Variants in BCL2L15 observed in about 807,000 individuals in gnomAD.
BCL2L15 encodes the protein BCL2 like 15, also known as bcl-2-like protein 15.
A neutral mutation model predicts 18.3 loss-of-function variants in BCL2L15; 15 were observed. That is an observed-to-expected ratio of 0.82 (90% CI 0.55 to 1.26). The LOEUF (loss-of-function observed/expected upper bound fraction) is 1.26, where lower values mean the gene tolerates loss of function less well. Among genes scored for constraint, BCL2L15 ranks in the 50% most tolerant of loss-of-function variants. BCL2L15 has a pLI of 0.00. For missense variants in BCL2L15, 180 were observed against 201.7 expected, an observed-to-expected ratio of 0.89 and a Z score of 0.65; for synonymous variants, 58 against 68.5, an observed-to-expected ratio of 0.85 and a Z score of 0.76.
chr1:113,882,768 G>A (rs929068820), intron 2 of BCL2L15, among the ~76,000 whole-genome samples: 1 of 150,832 alleles, frequency 6.6e-6, no homozygotes, highest in Non-Finnish European at 1.5e-5. Context: ...TTGAGACCCT[G>A]TCTCTATGAA....
At chr1:113,885,373 C>T (rs1481180218) in intron 2 of BCL2L15, among the ~76,000 whole-genome samples, 1 of 152,166 alleles carries the variant, frequency 6.6e-6, no homozygotes, top group African/African-American at 2.4e-5. Context: ...ATAGTGTAGG[C>T]ACACTGCCCA....
At chr1:113,886,680 T>G (rs1667045643) in intron 1 of BCL2L15, 22 bp from the exon 2 acceptor site, 1 of 1,578,720 alleles carries the variant, frequency 6.3e-7, no homozygotes, top group Admixed American at 2.0e-5. Flanking sequence ...GGAACACATT[T>G]GTTACAATGC....
At chr1:113,886,494 A>C in intron 2 of BCL2L15, 43 bp downstream of exon 2, 1 of 1,579,622 alleles carries the variant, frequency 6.3e-7, no homozygotes, top group South Asian at 1.2e-5. Flanking sequence ...AGTTTGAAAT[A>C]GAAAAAAAAG....
intron 2 of BCL2L15, among the ~76,000 whole-genome samples, chr1:113,884,731 T>A (rs1666977076): frequency 8.8e-5 from 1 of 11,346 alleles, no homozygotes; most frequent in South Asian, 1.0e-3. Flanking sequence ...CAAAATATAT[T>A]TTTTTTTATT....
intron 3 of BCL2L15, 67 bp from the exon 4 acceptor site, chr1:113,881,207 A>T: frequency 6.2e-7 from 1 of 1,610,436 alleles, no homozygotes; most frequent in Non-Finnish European, 8.5e-7. Flanking sequence ...AGAAACCAGG[A>T]AATGATCTGC....
At position 113,887,542 on chromosome 1, in the gene BCL2L15, G is replaced by T; in HGVS notation, c.-167C>A. 1.2e-6 allele frequency: 1 copy of T among 852,524 alleles called. No homozygotes were observed. The highest frequency in any genetic ancestry group is 1.8e-6 in the Non-Finnish European group (1 of 557,610). 52.8% of individuals were successfully genotyped at this position (852,524 alleles called of 1,614,324 possible). A position where few individuals can be genotyped will look rare whatever the true frequency, so the allele number is the denominator to read the frequency against. On this transcript the variant is annotated 5_prime_UTR_variant, in exon 1 of 4. In the 5' UTR this introduces an upstream ATG that the reference lacks. Transcript: ENST00000393316. ...AGCTTTCTTCAAACACAGCTGCTCAGAAAGGTGGGACTTCTCAGAAGGATT... is the reference window on the plus strand; with the variant it reads ...AGCTTTCTTCAAACACAGCTGCTCATAAAGGTGGGACTTCTCAGAAGGATT...
In BCL2L15 at chr1:113,878,346, T is replaced by C. The variant is rs1290206342; in HGVS notation, c.*2777A>G. ...TTAAAATCAGGCAATCTGAATCCATTTTTAATTCCTGGGTTACAATGTCTT... is the reference window on the plus strand; with the variant it reads ...TTAAAATCAGGCAATCTGAATCCATCTTTAATTCCTGGGTTACAATGTCTT... On this transcript the variant is annotated 3_prime_UTR_variant, in exon 4 of 4. Coordinates refer to ENST00000393316, the MANE Select transcript of BCL2L15 (RefSeq NM_001010922.3). 1 of 152,364 alleles carries C rather than the reference T, an allele frequency of 6.6e-6. No individual in the cohort carries two copies. Among genetic ancestry groups the C allele is most frequent in the Non-Finnish European group, 1.5e-5 (1 of 68,040 alleles). 9.4% of individuals were successfully genotyped at this position (152,364 alleles called of 1,614,324 possible). A position where few individuals can be genotyped will look rare whatever the true frequency, so the allele number is the denominator to read the frequency against.
At chr1:113,881,472 A>C (rs1666877255) in intron 3 of BCL2L15, 1 of 1,346,402 alleles carries the variant, frequency 7.4e-7, no homozygotes, top group Non-Finnish European at 9.5e-7. Flanking sequence ...AGCCAGGCTG[A>C]AATTAGAACT....
chr1:113,881,099 A>C lies in BCL2L15; in HGVS notation c.*24T>G, dbSNP rs751803262. ...ATCAGTCAACAAGGAAGTGATGTTC[A>C]GTCTCGTGAATAGCTCCAACTCTTC... On this transcript the variant is annotated 3_prime_UTR_variant, in exon 4 of 4. Coordinates refer to ENST00000393316, the MANE Select transcript of BCL2L15 (RefSeq NM_001010922.3). 4 of 1,614,044 alleles carry C rather than the reference A, an allele frequency of 2.5e-6. No individual in the cohort carries two copies. The highest frequency in any genetic ancestry group is 2.2e-5 in the East Asian group (1 of 44,888).
At chr1:113,883,267 G>A (rs1017739631) in intron 2 of BCL2L15, among the ~76,000 whole-genome samples, 1 of 152,152 alleles carries the variant, frequency 6.6e-6, no homozygotes, top group Non-Finnish European at 1.5e-5. Context: ...CAGATCACGA[G>A]GTCAGGAGTT....
intron 2 of BCL2L15, among the ~76,000 whole-genome samples, chr1:113,885,159 T>C (rs1260535291): frequency 1.3e-5 from 2 of 152,094 alleles, no homozygotes; most frequent in African/African-American, 4.8e-5. Flanking sequence ...TTTCACTATG[T>C]TGGCCAGGCT....
chr1:113,887,512 C>T lies in BCL2L15; in HGVS notation c.-137G>A. ...CTGACATGTAATCCTGGAACTTTTCCCACTAGCTTTCTTCAAACACAGCTG... is the reference window on the plus strand; with the variant it reads ...CTGACATGTAATCCTGGAACTTTTCTCACTAGCTTTCTTCAAACACAGCTG... On this transcript the variant is annotated 5_prime_UTR_variant, in exon 1 of 4. Transcript: ENST00000393316. 8.2e-7 allele frequency: 1 copy of T among 1,217,058 alleles called. No homozygotes were observed. The allele number at this position is 1,217,058 out of a possible 1,614,324, so 75.4% of individuals were successfully genotyped here.
Position 113,876,932 on chromosome 1 carries a change from CT to C in BCL2L15, c.*4190del, listed in dbSNP as rs1436087238. On this transcript the variant is annotated 3_prime_UTR_variant, in exon 4 of 4. Transcript: ENST00000393316. ...CAACAAATTGTATCATTCAGCAATC[CT>C]TTATCCTAGTGGGGAAGATGACTAT... 6.6e-6 allele frequency among the ~76,000 whole-genome samples: 1 copy of C among 152,254 alleles called. No individual in the cohort carries two copies. Among genetic ancestry groups the C allele is most frequent in the Admixed American group, 6.5e-5 (1 of 15,296 alleles).
chr1:113,881,721 G>A, intron 3 of BCL2L15, 52 bp downstream of exon 3: 18 of 1,573,602 alleles, frequency 1.1e-5, no homozygotes, highest in Non-Finnish European at 1.6e-5. Context: ...CCAGGTATTA[G>A]TACAAAAACA....
In BCL2L15 at chr1:113,878,482, C is replaced by G. The variant is rs1666781933; in HGVS notation, c.*2641G>C. The stretch of plus-strand genomic sequence containing the variant: ...TGCCTAGTATAATCCCCGTGGGCAC[C>G]ATATCTTCAAATCTCAAGATAATGC... On this transcript the variant is annotated 3_prime_UTR_variant, in exon 4 of 4. Transcript: ENST00000393316. 1.3e-5 allele frequency: 2 copies of G among 152,458 alleles called. No homozygotes were observed. Among genetic ancestry groups the G allele is most frequent in the South Asian group, 4.1e-4 (2 of 4,830 alleles). The allele number at this position is 152,458 out of a possible 1,614,324, so 9.4% of individuals were successfully genotyped here.
intron 2 of BCL2L15, among the ~76,000 whole-genome samples, chr1:113,886,127 G>A (rs1558071631): frequency 1.3e-5 from 2 of 149,838 alleles, no homozygotes; most frequent in Non-Finnish European, 3.0e-5. Context: ...GCAGTGGGAG[G>A]ATCGCTTGAG....
Position 113,886,715 on chromosome 1 carries a change from A to G in BCL2L15, c.128-57T>C. ...CTTGAAGCAATGGCAAGTCCCAGGA[A>G]TCTGGGCAATGAGAAAAATTTGTCT... is the stretch of plus-strand genomic sequence containing the variant. On this transcript the variant is annotated intron_variant, in intron 1 of 3. Coordinates refer to ENST00000393316, the MANE Select transcript of BCL2L15 (RefSeq NM_001010922.3). The G allele has an allele frequency of 1.3e-6, 2 of 1,525,676 alleles. 1 individual carries two copies. The allele number at this position is 1,525,676 out of a possible 1,614,324, so 94.5% of individuals were successfully genotyped here. A position where few individuals can be genotyped will look rare whatever the true frequency, so the allele number is the denominator to read the frequency against.
Position 113,886,588 on chromosome 1 carries a change from T to G in BCL2L15, c.198A>C (p.Gly66=), listed in dbSNP as rs770025111. 1.9e-6 allele frequency: 3 copies of G among 1,613,902 alleles called. No homozygotes were observed. The Admixed American group carries it at 5.0e-5, about 27-fold the overall frequency. Residue 66 remains glycine, a synonymous_variant, in exon 2 of 4, where the codon GGA becomes GGC. Transcript: ENST00000393316. ...RLRMLGDQFN[G]ELEASAKNVI... ...CGTTTTTGGCAGAAGCTTCCAATTCTCCGTTGAACTGGTCACCCAACATCC... is the reference window on the plus strand; with the variant it reads ...CGTTTTTGGCAGAAGCTTCCAATTCGCCGTTGAACTGGTCACCCAACATCC...
chr1:113,885,479 T>A (rs1360287069), intron 2 of BCL2L15, among the ~76,000 whole-genome samples: 2 of 151,892 alleles, frequency 1.3e-5, no homozygotes, highest in African/African-American at 4.8e-5. Flanking sequence ...TGGAGAACAG[T>A]GGTGTGATCT....
Sources: allele counts gnomAD v4.1 joint callset (sites outside exome capture counted in the v4.1 genomes callset), GRCh38; gene constraint gnomAD v4.1.1; transcripts MANE v1.5; gene names NCBI Gene and HGNC (gene_info 2026-07-23, HGNC 2026-07-21).